SUGP1: variants seen among roughly 807,000 people sequenced by gnomAD.
SUGP1 encodes the protein SURP and G-patch domain-containing protein 1.
In SUGP1, 34 loss-of-function variants were observed where a neutral mutation model predicts 76.5. The ratio of observed to expected loss-of-function variants is 0.44; its 90% CI spans 0.34 to 0.59. The LOEUF (loss-of-function observed/expected upper bound fraction) is 0.59. Among genes scored for constraint, SUGP1 ranks in the 20% least tolerant of loss-of-function variants. The probability of loss-of-function intolerance (pLI) is 0.01; values close to 1 mark genes in which losing one functional copy is unlikely to be tolerated. For synonymous variants in SUGP1, 326 were observed against 326.2 expected (o/e 1.00, Z 0.01); for missense variants, 752 against 851.7 (o/e 0.88, Z 1.46).
At chr19:19,289,664 C>T (rs1489052832) in intron 8 of SUGP1, among the ~76,000 whole-genome samples, 1 of 152,070 alleles carries the variant, frequency 6.6e-6, no homozygotes, top group Non-Finnish European at 1.5e-5. Flanking sequence ...AGGAGGATCG[C>T]TTGAACCTGG....
At chr19:19,279,772 C>G (rs572504654) in intron 9 of SUGP1, among the ~76,000 whole-genome samples, 1 of 152,212 alleles carries the variant, frequency 6.6e-6, no homozygotes, top group Non-Finnish European at 1.5e-5. Flanking sequence ...AACTGGGAGG[C>G]CTCAAGTCCC....
At chr19:19,293,746 A>C (rs930681334) in intron 8 of SUGP1, among the ~76,000 whole-genome samples, 1 of 152,214 alleles carries the variant, frequency 6.6e-6, no homozygotes, top group Admixed American at 6.5e-5. Context: ...GCACACTTCC[A>C]CCATTTCCAT....
intron 8 of SUGP1, among the ~76,000 whole-genome samples, chr19:19,285,571 TTC>T (rs2061133226): frequency 6.6e-6 from 1 of 152,144 alleles, no homozygotes; most frequent in Admixed American, 6.5e-5. Flanking sequence ...ATTTATTTAT[TTC>T]TGTTTGCTTG....
Position 19,303,336 on chromosome 19 carries a change from C to T in SUGP1, c.763+12G>A. The T allele has an allele frequency of 1.2e-6, 2 of 1,612,364 alleles. No homozygotes were observed. The highest frequency in any genetic ancestry group is 1.7e-6 in the Non-Finnish European group (2 of 1,178,496). On this transcript the variant is annotated intron_variant, in intron 6 of 13. Transcript: ENST00000247001. ...GCCTCCCCAGAATCTCCCACCCGCT[C>T]CGTCCACCTACCTTTCTGAGAGGCT...
Position 19,276,584 on chromosome 19 carries a change from A to G in SUGP1, c.*64T>C. ...CAACGGAAGGGGTGGGCAGAAATGC[A>G]GGCCGGAACATTCCACAGTCCAGGG... On this transcript the variant is annotated 3_prime_UTR_variant, in exon 14 of 14. Coordinates refer to ENST00000247001, the MANE Select transcript of SUGP1 (RefSeq NM_172231.4). The G allele has an allele frequency of 6.2e-7, 1 of 1,601,272 alleles. No individual in the cohort carries two copies. Among genetic ancestry groups the G allele is most frequent in the East Asian group, 2.2e-5 (1 of 44,784 alleles).
chr19:19,302,869 C>T (rs1459282131), intron 6 of SUGP1, among the ~76,000 whole-genome samples: 1 of 152,162 alleles, frequency 6.6e-6, no homozygotes, highest in Non-Finnish European at 1.5e-5. Context: ...CAGTCAAAGA[C>T]CAGCCAGTAT....
At chr19:19,282,882 C>T (rs2061109796) in intron 8 of SUGP1, among the ~76,000 whole-genome samples, 1 of 152,158 alleles carries the variant, frequency 6.6e-6, no homozygotes, top group Non-Finnish European at 1.5e-5. Context: ...TCGAGACCAT[C>T]CTGGCTAACA....
Position 19,320,509 on chromosome 19 carries a change from T to C in SUGP1, c.-13A>G, listed in dbSNP as rs976091793. ...TCTTGAGACTCATCCAATCCCACAA[T>C]GCTCCGGCGCCCCTTAAGGGGCCCT... is the stretch of plus-strand genomic sequence containing the variant. On this transcript the variant is annotated 5_prime_UTR_variant, in exon 1 of 14. Transcript: ENST00000247001. 10 of 1,609,664 alleles carry C rather than the reference T, an allele frequency of 6.2e-6. No homozygotes were observed. The highest frequency in any genetic ancestry group is 8.5e-6 in the Non-Finnish European group (10 of 1,178,442).
chr19:19,288,557 C>G (rs2061158723), intron 8 of SUGP1, among the ~76,000 whole-genome samples: 1 of 151,670 alleles, frequency 6.6e-6, no homozygotes, highest in Non-Finnish European at 1.5e-5. Flanking sequence ...AGTTTTGAAA[C>G]CAGCCTGGGC....
At chr19:19,293,525 A>C (rs968176495) in intron 8 of SUGP1, among the ~76,000 whole-genome samples, 5 of 152,018 alleles carry the variant, frequency 3.3e-5, no homozygotes, top group Admixed American at 6.6e-5. Flanking sequence ...CAGAGGTTGC[A>C]GTGAGCTGAG....
chr19:19,276,635 A>G lies in SUGP1; in HGVS notation c.*13T>C. On this transcript the variant is annotated 3_prime_UTR_variant, in exon 14 of 14. Coordinates refer to ENST00000247001, the MANE Select transcript of SUGP1 (RefSeq NM_172231.4). ...ACGGTTGGTCATTCAGAAAGTATGTATTTCCAGAACACTCAGTAGTAAGGC... is the reference window on the plus strand; with the variant it reads ...ACGGTTGGTCATTCAGAAAGTATGTGTTTCCAGAACACTCAGTAGTAAGGC... 5 of 1,614,124 alleles carry G rather than the reference A, an allele frequency of 3.1e-6. No homozygotes were observed. Among genetic ancestry groups the G allele is most frequent in the Non-Finnish European group, 4.2e-6 (5 of 1,180,002 alleles).
intron 8 of SUGP1, among the ~76,000 whole-genome samples, chr19:19,288,055 C>CT (rs201028654): frequency 2.2e-4 from 34 of 151,542 alleles, no homozygotes; most frequent in East Asian, 1.2e-3. Context: ...TTCCTCCCTT[C>CT]TTTTTTTTTA....
rs201089916 is a variant in SUGP1 at position 19,303,410 on chromosome 19, T to C, written c.701A>G (p.Tyr234Cys). 1.2e-5 allele frequency: 19 copies of C among 1,613,954 alleles called. No homozygotes were observed. Among genetic ancestry groups the C allele is most frequent in the Non-Finnish European group, 1.5e-5 (18 of 1,180,026 alleles). The change falls in exon 6 of 14, where the codon TAC (tyrosine) becomes TGC (cysteine). Residue 234 changes from tyrosine (Y) to cysteine (C), a missense_variant. Physicochemically the swap from Tyr to Cys is radical, Grantham distance 194. Transcript: ENST00000247001. ...TCTTATCTCAGCCACCTTCTTCCTG[T>C]AGTAGAGGAATTCCCTGCTATTCTT... ...HDKNSREFLYYRKKVAEIRKE... is the reference protein window; with the variant it reads ...HDKNSREFLYCRKKVAEIRKE...
chr19:19,301,600 C>T (rs2061272045), intron 7 of SUGP1: 1 of 152,718 alleles, frequency 6.5e-6, no homozygotes, highest in Non-Finnish European at 1.5e-5. Context: ...AACCTGGGGC[C>T]AGGCGTGTGC....
chr19:19,315,605 C>T (rs1007325604), intron 2 of SUGP1, among the ~76,000 whole-genome samples: 3 of 152,192 alleles, frequency 2.0e-5, no homozygotes, highest in Admixed American at 6.5e-5. Context: ...GCAGCTCAGG[C>T]TGGCCCTCCA....
chr19:19,304,956 G>A (rs1184902352), intron 4 of SUGP1, among the ~76,000 whole-genome samples: 1 of 152,162 alleles, frequency 6.6e-6, no homozygotes, highest in Non-Finnish European at 1.5e-5. Flanking sequence ...CGTTTCTGAG[G>A]CCATGCAGAC....
At chr19:19,297,842 A>AG (rs2061240687) in intron 7 of SUGP1, among the ~76,000 whole-genome samples, 1 of 152,204 alleles carries the variant, frequency 6.6e-6, no homozygotes, top group South Asian at 2.1e-4. Context: ...AGGCAGCCTC[A>AG]GGGAAGTGTG....
intron 7 of SUGP1, among the ~76,000 whole-genome samples, chr19:19,299,688 CTT>C (rs2061256418): frequency 6.6e-6 from 1 of 151,376 alleles, no homozygotes. Context: ...GGCCTACTGA[CTT>C]TTCATTACAG....
rs1473361840 is a variant in SUGP1, at chr19:19,276,639, C to T, written c.*9G>A. The T allele has an allele frequency of 6.2e-7, 1 of 1,614,088 alleles. No homozygotes were observed. The highest frequency in any genetic ancestry group is 1.7e-5 in the Admixed American group (1 of 60,014). On this transcript the variant is annotated 3_prime_UTR_variant, in exon 14 of 14. Transcript: ENST00000247001. ...TTGGTCATTCAGAAAGTATGTATTT[C>T]CAGAACACTCAGTAGTAAGGCCGTC... is the stretch of plus-strand genomic sequence containing the variant.
Sources: gnomAD v4.1 joint callset for allele counts (sites outside exome capture counted in the v4.1 genomes callset) on GRCh38, gnomAD v4.1.1 for gene constraint, MANE v1.5 for transcripts, NCBI Gene and HGNC (gene_info 2026-07-23, HGNC 2026-07-21) for gene names.